The following LRRIQ1 variants were observed in gnomAD, a reference collection of about 807,000 sequenced individuals.
The protein encoded by LRRIQ1 is leucine rich repeats and IQ motif containing 1.
LRRIQ1 carries 210 observed loss-of-function variants against 211.9 expected under a neutral mutation model. The ratio of observed to expected loss-of-function variants is 0.99; its 90% CI spans 0.89 to 1.11. LRRIQ1 has a LOEUF of 1.11. Ranked by LOEUF, LRRIQ1 falls within the 50% of genes most tolerant of loss-of-function variation. LRRIQ1 has a pLI of 0.00. For missense variants in LRRIQ1, 2,136 were observed against 1,939.5 expected (o/e 1.10, Z -1.90); for synonymous variants, 699 against 650.1 (o/e 1.08, Z -1.14).
At chr12:85,264,976 G>A (rs1896391263), downstream of LRRIQ1, among the ~76,000 whole-genome samples, 1 of 152,000 alleles carries the variant, frequency 6.6e-6, no homozygotes, top group Non-Finnish European at 1.5e-5. Flanking sequence ...CAAAAAGCTT[G>A]GTAGAAGTGC....
chr12:85,235,226 C>T (rs1457826904), intron 26 of LRRIQ1, among the ~76,000 whole-genome samples: 1 of 152,162 alleles, frequency 6.6e-6, no homozygotes, highest in African/African-American at 2.4e-5. Context: ...TATCAGAAGT[C>T]ACGTCAAATA....
intron 11 of LRRIQ1, among the ~76,000 whole-genome samples, chr12:85,074,240 C>G (rs1883396516): frequency 6.6e-6 from 1 of 151,780 alleles, no homozygotes; most frequent in Non-Finnish European, 1.5e-5. Context: ...TCTAATTAAA[C>G]TATGCAATTG....
intron 15 of LRRIQ1, among the ~76,000 whole-genome samples, chr12:85,110,217 A>G (rs2136342857): frequency 6.6e-6 from 1 of 152,254 alleles, no homozygotes; most frequent in Non-Finnish European, 1.5e-5. Context: ...CATGTTGGAC[A>G]TTATGAAGGA....
At chr12:85,138,679 G>A (rs367742261) in intron 19 of LRRIQ1, among the ~76,000 whole-genome samples, 6 of 151,410 alleles carry the variant, frequency 4.0e-5, no homozygotes, top group South Asian at 2.1e-4. Context: ...TAATATAACC[G>A]TAAAGGTCAT....
chr12:85,170,515 A>G (rs1891366966), intron 24 of LRRIQ1, among the ~76,000 whole-genome samples: 1 of 150,526 alleles, frequency 6.6e-6, no homozygotes, highest in African/African-American at 2.4e-5. Context: ...ATATATATAT[A>G]ACATATATAC....
chr12:85,125,685 T>A (rs1888327947), intron 17 of LRRIQ1, among the ~76,000 whole-genome samples: 1 of 152,196 alleles, frequency 6.6e-6, no homozygotes, highest in African/African-American at 2.4e-5. Context: ...ACTTGTTTCC[T>A]AATGTAAATT....
chr12:85,228,375 TC>T (rs1415477850), intron 24 of LRRIQ1, among the ~76,000 whole-genome samples: 4 of 152,178 alleles, frequency 2.6e-5, no homozygotes, highest in Non-Finnish European at 5.9e-5. Flanking sequence ...GCCAATCCCC[TC>T]ATGTGAAGTA....
chr12:85,041,617 T>C (rs773724603), intron 3 of LRRIQ1, among the ~76,000 whole-genome samples: 26 of 151,876 alleles, frequency 1.7e-4, no homozygotes, highest in Non-Finnish European at 3.1e-4. Context: ...TAAACGTTTC[T>C]GGTTGTATGT....
chr12:85,074,011 T>C (rs906040831), intron 11 of LRRIQ1, among the ~76,000 whole-genome samples: 3 of 152,024 alleles, frequency 2.0e-5, no homozygotes, highest in Non-Finnish European at 4.4e-5. Context: ...ACCACAATAT[T>C]TCACATTGGT....
chr12:85,260,552 TTAAA>T (rs1896256174), intron 1 of LRRIQ1, among the ~76,000 whole-genome samples: 1 of 152,184 alleles, frequency 6.6e-6, no homozygotes. Flanking sequence ...CTTTTTTATC[TTAAA>T]TAAATATATC....
chr12:85,120,626 A>G (rs1052353902), intron 15 of LRRIQ1, among the ~76,000 whole-genome samples: 2 of 152,222 alleles, frequency 1.3e-5, no homozygotes, highest in African/African-American at 4.8e-5. Flanking sequence ...GGAATAACTT[A>G]TATCTGGACA....
intron 19 of LRRIQ1, among the ~76,000 whole-genome samples, chr12:85,151,348 T>G (rs1489370790): frequency 1.3e-5 from 2 of 151,554 alleles, no homozygotes; most frequent in Non-Finnish European, 3.0e-5. Flanking sequence ...CAATGGTCTT[T>G]CAAAAGGCAG....
intron 26 of LRRIQ1, among the ~76,000 whole-genome samples, chr12:85,239,592 A>G (rs1895369306): frequency 6.6e-6 from 1 of 152,090 alleles, no homozygotes; most frequent in African/African-American, 2.4e-5. Flanking sequence ...AGATAACTAT[A>G]TGGAAAAAGA....
chr12:85,167,666 CT>C (rs1416683874), intron 24 of LRRIQ1, among the ~76,000 whole-genome samples: 2 of 152,130 alleles, frequency 1.3e-5, no homozygotes, highest in Non-Finnish European at 2.9e-5. Context: ...GTGGGCCTGC[CT>C]TTCCCTGTTT....
chr12:85,262,981 G>A (rs1035186387), exon 2 of LRRIQ1: 19 of 987,462 alleles, frequency 1.9e-5, no homozygotes, highest in Non-Finnish European at 2.3e-5. Flanking sequence ...AAAAAAGAAC[G>A]TATATCATTC....
intron 11 of LRRIQ1, among the ~76,000 whole-genome samples, chr12:85,092,723 T>G (rs186438583): frequency 6.6e-6 from 1 of 152,312 alleles, no homozygotes; most frequent in African/African-American, 2.4e-5. Flanking sequence ...GCACTAACCT[T>G]TGGTGTTTGT....
chr12:85,250,721 C>T (rs1048285896), intron 1 of LRRIQ1, among the ~76,000 whole-genome samples: 1 of 142,568 alleles, frequency 7.0e-6, no homozygotes, highest in Non-Finnish European at 1.5e-5. Flanking sequence ...GCCTGGACAA[C>T]AGAGCAAGGC....
At chr12:85,229,786 C>A (rs1393424263) in intron 25 of LRRIQ1, 137 bp downstream of exon 25, 5 of 743,810 alleles carry the variant, frequency 6.7e-6, no homozygotes, top group Non-Finnish European at 1.1e-5. Flanking sequence ...AATACAAAGG[C>A]CTTTCATATA....
At chr12:85,097,626 G>T (rs1031110855) in intron 11 of LRRIQ1, among the ~76,000 whole-genome samples, 1 of 152,046 alleles carries the variant, frequency 6.6e-6, no homozygotes, top group African/African-American at 2.4e-5. Flanking sequence ...AACGAACAGA[G>T]TAACACCTAC....
Sources: gnomAD v4.1 joint callset for allele counts (sites outside exome capture counted in the v4.1 genomes callset) on GRCh38, gnomAD v4.1.1 for gene constraint, MANE v1.5 for transcripts, NCBI Gene and HGNC (gene_info 2026-07-23, HGNC 2026-07-21) for gene names.